PCDHGB5: variants seen among roughly 807,000 people sequenced by gnomAD.
PCDHGB5 encodes protocadherin gamma-B5.
Under a neutral mutation model 62.9 loss-of-function variants are expected in PCDHGB5, and 48 were observed. The ratio of observed to expected loss-of-function variants is 0.76; its 90% confidence interval spans 0.61 to 0.97. The LOEUF (loss-of-function observed/expected upper bound fraction) is 0.97, where lower values mean the gene tolerates loss of function less well. Among genes scored for constraint, PCDHGB5 ranks in the 50% least tolerant of loss-of-function variants. PCDHGB5 has a pLI of 0.00. For missense variants in PCDHGB5, 1,118 were observed against 1,198.6 expected, an observed-to-expected ratio of 0.93 and a Z score of 0.99; for synonymous variants, 474 against 511.2, an observed-to-expected ratio of 0.93 and a Z score of 0.98.
Position 141,477,514 on chromosome 5 carries a change from T to G in PCDHGB5, c.2398-17293T>G. 1 of 1,614,114 alleles carries G rather than the reference T, an allele frequency of 6.2e-7. No individual in the cohort carries two copies. Among genetic ancestry groups the G allele is most frequent in the Non-Finnish European group, 8.5e-7 (1 of 1,180,026 alleles). On this transcript the variant is annotated intron_variant, in intron 1 of 3. Coordinates refer to ENST00000617380, the MANE Select transcript of PCDHGB5 (RefSeq NM_018925.3). The surrounding 1 kb of genome is among the most constrained non-coding windows in gnomAD (Gnocchi z 4.9). Reference sequence around the variant, plus strand: ...CTCAATCTTCCTACGACGTTTACATTGAAGAAAACAACCTCCCCGGGGCTC... The same window carrying G: ...CTCAATCTTCCTACGACGTTTACATGGAAGAAAACAACCTCCCCGGGGCTC...
chr5:141,437,765 G>C (rs1561886251), intron 1 of PCDHGB5, among the ~76,000 whole-genome samples: 1 of 148,074 alleles, frequency 6.8e-6, no homozygotes, highest in African/African-American at 2.5e-5. Flanking sequence ...TTGAGACAGA[G>C]TCTCAATCTG....
intron 1 of PCDHGB5, chr5:141,429,110 T>A (rs2097186231): frequency 6.6e-6 from 1 of 151,978 alleles, no homozygotes; most frequent in Non-Finnish European, 1.5e-5. Context: ...CGCCTCGGCC[T>A]CCCAAAGTGC....
At chr5:141,484,598 T>C (rs2099598059) in intron 1 of PCDHGB5, among the ~76,000 whole-genome samples, 1 of 152,080 alleles carries the variant, frequency 6.6e-6, no homozygotes, top group Non-Finnish European at 1.5e-5. Flanking sequence ...TCATTTAGAA[T>C]ACTGGTTGAT....
chr5:141,478,748 A>G (rs2099474609), intron 1 of PCDHGB5: 2 of 1,525,644 alleles, frequency 1.3e-6, no homozygotes, highest in African/African-American at 1.4e-5. Context: ...GTCCCATTTC[A>G]GGGGGAAGAT....
chr5:141,404,468 T>G, intron 1 of PCDHGB5: 2 of 1,613,514 alleles, frequency 1.2e-6, no homozygotes, highest in Non-Finnish European at 8.5e-7. Context: ...CACCTATGTC[T>G]CTATTAACTC....
At chr5:141,403,116 A>G (rs1313523426) in intron 1 of PCDHGB5, 6 of 1,614,042 alleles carry the variant, frequency 3.7e-6, no homozygotes, top group Non-Finnish European at 5.1e-6. Flanking sequence ...CTGGCTCTGG[A>G]GCCCCGGGAG....
intron 1 of PCDHGB5, among the ~76,000 whole-genome samples, chr5:141,494,070 C>T (rs933213518): frequency 3.9e-5 from 6 of 152,174 alleles, no homozygotes; most frequent in African/African-American, 1.4e-4. Context: ...AGCTGGATCC[C>T]TCCCCGCTGC....
rs943867570 is a variant in PCDHGB5 at position 141,493,651 on chromosome 5, T to C, written c.2398-1156T>C. On this transcript the variant is annotated intron_variant, in intron 1 of 3. Coordinates refer to ENST00000617380, the MANE Select transcript of PCDHGB5 (RefSeq NM_018925.3). The surrounding 1 kb of genome is among the most constrained non-coding windows in gnomAD (Gnocchi z 4.3). ...AGTGGCTGAGGGCTGGCCATCCCTGTGCCCTTCTCCATGGCAGCCCCAGAA... is the reference window on the plus strand; with the variant it reads ...AGTGGCTGAGGGCTGGCCATCCCTGCGCCCTTCTCCATGGCAGCCCCAGAA... Among the ~76,000 whole-genome samples, 1 of 152,204 alleles carries C rather than the reference T, an allele frequency of 6.6e-6. No individual in the cohort carries two copies. The highest frequency in any genetic ancestry group is 1.5e-5 in the Non-Finnish European group (1 of 68,030).
intron 2 of PCDHGB5, among the ~76,000 whole-genome samples, chr5:141,499,940 G>A (rs1158937971): frequency 4.0e-5 from 6 of 151,722 alleles, no homozygotes; most frequent in Non-Finnish European, 8.8e-5. Flanking sequence ...CACCCTCCTC[G>A]GCCTCCCAAA....
At chr5:141,454,283 T>G (rs2098785864) in intron 1 of PCDHGB5, among the ~76,000 whole-genome samples, 1 of 152,134 alleles carries the variant, frequency 6.6e-6, no homozygotes, top group Non-Finnish European at 1.5e-5. Flanking sequence ...AACTTCACAT[T>G]AAAGGAACTC....
intron 3 of PCDHGB5, chr5:141,507,274 C>T (rs1000866082): frequency 1.3e-5 from 2 of 151,532 alleles, no homozygotes; most frequent in Non-Finnish European, 2.9e-5. Context: ...ACTATTTCAG[C>T]ATAAGTCAGT....
rs2099642802 is a variant in PCDHGB5, at chr5:141,487,311, CTAAG to C, written c.2398-7494_2398-7491del. The C allele has an allele frequency of 1.2e-6, 2 of 1,614,058 alleles. No individual in the cohort carries two copies. On this transcript the variant is annotated intron_variant, in intron 1 of 3. Coordinates refer to ENST00000617380, the MANE Select transcript of PCDHGB5 (RefSeq NM_018925.3). This position sits in a 1 kb window ranked among gnomAD's most constrained non-coding sequence, Gnocchi z 5.0. ...TTTGGCTCATTCGTGGCACTACTCTCTAAGTGTCTTCGTGGGGCAGCCTGTGGAG... is the reference window on the plus strand; with the variant it reads ...TTTGGCTCATTCGTGGCACTACTCTCTGTCTTCGTGGGGCAGCCTGTGGAG...
chr5:141,449,263 AC>A (rs1308401244), intron 1 of PCDHGB5, among the ~76,000 whole-genome samples: 3 of 152,152 alleles, frequency 2.0e-5, no homozygotes, highest in African/African-American at 7.2e-5. Flanking sequence ...TGTACAAAGA[AC>A]TGTATCTCCT....
At position 141,478,147 on chromosome 5, in the gene PCDHGB5, C is replaced by T. The variant is rs199689679; in HGVS notation, c.2398-16660C>T. On this transcript the variant is annotated intron_variant, in intron 1 of 3. Transcript: ENST00000617380. The stretch of plus-strand genomic sequence containing the variant: ...ACTCTCCTGAAGCCCGAGCCGAGTT[C>T]CCCTCTGGCTCTGCCCCCCGGGAGC... The T allele has an allele frequency of 2.0e-5, 32 of 1,614,076 alleles. 1 individual carries two copies. In the East Asian group the frequency reaches 5.3e-4, roughly 27 times the overall value.
Position 141,408,922 on chromosome 5 carries a change from G to A in PCDHGB5, c.2397+8398G>A, listed in dbSNP as rs762449366. ...TCAAGGATACCAATGATAACCCCCC[G>A]GTTTTCAGCAGAGACGAATATAGAA... On this transcript the variant is annotated intron_variant, in intron 1 of 3. Coordinates refer to ENST00000617380, the MANE Select transcript of PCDHGB5 (RefSeq NM_018925.3). 3.7e-6 allele frequency: 6 copies of A among 1,613,104 alleles called. No homozygotes were observed. In the Admixed American group the frequency reaches 8.3e-5, roughly 22 times the overall value.
At chr5:141,421,387 G>A in intron 1 of PCDHGB5, 3 of 1,614,054 alleles carry the variant, frequency 1.9e-6, no homozygotes, top group Non-Finnish European at 2.5e-6. Context: ...CAAGGACCTG[G>A]GGCTGGAGCC....
chr5:141,487,455 A>G lies in PCDHGB5; in HGVS notation c.2398-7352A>G, dbSNP rs751456631. 6.2e-7 allele frequency: 1 copy of G among 1,614,122 alleles called. No individual in the cohort carries two copies. The highest frequency in any genetic ancestry group is 8.5e-7 in the Non-Finnish European group (1 of 1,180,032). On this transcript the variant is annotated intron_variant, in intron 1 of 3. Coordinates refer to ENST00000617380, the MANE Select transcript of PCDHGB5 (RefSeq NM_018925.3). The surrounding 1 kb of genome is among the most constrained non-coding windows in gnomAD (Gnocchi z 5.0). ...CAGCTAGGGTCAGATGACCCTATCA[A>G]GTTTGTTGATGTGGGAGGCCACTCT...
chr5:141,404,334 T>G (rs1201635505), intron 1 of PCDHGB5: 2 of 1,613,882 alleles, frequency 1.2e-6, no homozygotes, highest in Non-Finnish European at 1.7e-6. Flanking sequence ...TCAGTCTACC[T>G]CCCGGAAAAC....
At chr5:141,501,881 C>T (rs1396427606) in intron 2 of PCDHGB5, among the ~76,000 whole-genome samples, 1 of 152,124 alleles carries the variant, frequency 6.6e-6, no homozygotes, top group East Asian at 1.9e-4. Context: ...CCTTACACTC[C>T]TGATCATCAT....
Sources: allele counts gnomAD v4.1 joint callset (sites outside exome capture counted in the v4.1 genomes callset), GRCh38; gene constraint gnomAD v4.1.1; non-coding constraint Gnocchi (gnomAD v3.1); transcripts MANE v1.5; gene names NCBI Gene and HGNC (gene_info 2026-07-23, HGNC 2026-07-21).